Variants in CASTOR2 observed in about 807,000 individuals in gnomAD.
The protein encoded by CASTOR2 is cytosolic arginine sensor for mTORC1 subunit 2.
Under a neutral mutation model 31.2 loss-of-function variants are expected in CASTOR2, and 8 were observed. The ratio of observed to expected loss-of-function variants is 0.26; its 90% CI spans 0.15 to 0.46. The LOEUF (loss-of-function observed/expected upper bound fraction) is 0.46, where lower values mean the gene tolerates loss of function less well. CASTOR2 is among the 20% of genes least tolerant of loss of function. The pLI is 0.99. For missense variants in CASTOR2, 216 were observed against 382.1 expected, an observed-to-expected ratio of 0.57 and a Z score of 3.62; for synonymous variants, 162 against 158.7, an observed-to-expected ratio of 1.02 and a Z score of -0.16.
intron 1 of CASTOR2, among the ~76,000 whole-genome samples, chr7:74,974,205 G>A (rs1310335620): frequency 2.1e-5 from 3 of 142,480 alleles, no homozygotes; most frequent in Non-Finnish European, 3.1e-5. Context: ...CTGGGCTGGA[G>A]GAGCAAACGC....
intron 1 of CASTOR2, among the ~76,000 whole-genome samples, chr7:74,977,775 C>A (rs1803855608): frequency 2.0e-5 from 3 of 150,528 alleles, no homozygotes; most frequent in African/African-American, 7.3e-5. Context: ...TTCTCAGGCT[C>A]CAGCAATCCT....
intron 7 of CASTOR2, 64 bp downstream of exon 7, chr7:75,022,020 C>G: frequency 6.5e-7 from 1 of 1,537,046 alleles, no homozygotes; most frequent in Non-Finnish European, 8.8e-7. Context: ...CATTCACATA[C>G]GTTGTCCGCA....
In CASTOR2 at chr7:75,026,545, G is replaced by A. The variant is rs1054635521; in HGVS notation, c.*1846G>A. On this transcript the variant is annotated 3_prime_UTR_variant, in exon 9 of 9. Transcript: ENST00000616305. The stretch of plus-strand genomic sequence containing the variant: ...AGGGATATTTTCTAGTCCTGACAAA[G>A]TGTTCCCTGCTTCTCTGAGTGGGAC... Among the ~76,000 whole-genome samples, 4 of 152,172 alleles carry A rather than the reference G, an allele frequency of 2.6e-5. No individual in the cohort carries two copies. Among genetic ancestry groups the A allele is most frequent in the African/African-American group, 9.7e-5 (4 of 41,448 alleles).
intron 2 of CASTOR2, 62 bp from the exon 3 acceptor site, chr7:75,017,536 C>G (rs1804893761): frequency 6.3e-7 from 1 of 1,583,284 alleles, no homozygotes; most frequent in African/African-American, 1.3e-5. Context: ...CCTGCCTTGC[C>G]CTGCCCTTGG....
chr7:74,974,460 G>A (rs1803753117), intron 1 of CASTOR2, among the ~76,000 whole-genome samples: 1 of 150,882 alleles, frequency 6.6e-6, no homozygotes, highest in African/African-American at 2.5e-5. Flanking sequence ...TGGGAGTGCA[G>A]GGGCAGGGGG....
At chr7:75,021,784 C>T (rs1310253264) in intron 6 of CASTOR2, 90 bp from the exon 7 acceptor site, 2 of 1,491,900 alleles carry the variant, frequency 1.3e-6, no homozygotes, top group African/African-American at 2.8e-5. Flanking sequence ...TGGCCAGCCC[C>T]ATGCCTCGCT....
chr7:75,010,300 A>G lies in CASTOR2; in HGVS notation c.184+2236A>G, dbSNP rs1484276164. Reference sequence around the variant, plus strand: ...AAGTACAGGAGCAGAAGCAAGGGCCAGGTCCAGCCTCTAAAAAAGGGGAAG... The same window carrying G: ...AAGTACAGGAGCAGAAGCAAGGGCCGGGTCCAGCCTCTAAAAAAGGGGAAG... On this transcript the variant is annotated intron_variant, in intron 2 of 8. Transcript: ENST00000616305. Among the ~76,000 whole-genome samples the G allele has an allele frequency of 7.2e-5, 11 of 152,266 alleles. No homozygotes were observed. In the East Asian group the frequency reaches 9.6e-4, roughly 13 times the overall value.
intron 2 of CASTOR2, among the ~76,000 whole-genome samples, chr7:75,009,613 C>G (rs1409107430): frequency 1.3e-5 from 2 of 150,286 alleles, no homozygotes; most frequent in Non-Finnish European, 3.0e-5. Flanking sequence ...AATTAAGTGG[C>G]CCCCCCCGCC....
At chr7:75,009,884 ATTTT>A (rs1186959059) in intron 2 of CASTOR2, among the ~76,000 whole-genome samples, 1 of 128,690 alleles carries the variant, frequency 7.8e-6, no homozygotes. Context: ...CAGGCACTTA[ATTTT>A]TTTTTTTTTT....
chr7:75,024,859 G>A lies in CASTOR2; in HGVS notation c.*160G>A. 1.3e-6 allele frequency: 2 copies of A among 1,530,274 alleles called. No homozygotes were observed. Among genetic ancestry groups the A allele is most frequent in the South Asian group, 1.2e-5 (1 of 81,658 alleles). The allele number at this position is 1,530,274 out of a possible 1,614,324, so 94.8% of individuals were successfully genotyped here. ...TCGATTGCCAATCCCTCCAGGGCAG[G>A]GGCCCACGCCAAGGCCTCTCCATGC... On this transcript the variant is annotated 3_prime_UTR_variant, in exon 9 of 9. Transcript: ENST00000616305.
Position 75,025,376 on chromosome 7 carries a change from C to T in CASTOR2, c.*677C>T, listed in dbSNP as rs1805099408. Among the ~76,000 whole-genome samples the T allele has an allele frequency of 6.6e-6, 1 of 152,164 alleles. No individual in the cohort carries two copies. The highest frequency in any genetic ancestry group is 2.4e-5 in the African/African-American group (1 of 41,446). ...ACTGCCAAGAGGGCCCTGTCCAGACCCTCCCCCACAAGCACTCAGTCCTTG... is the reference window on the plus strand; with the variant it reads ...ACTGCCAAGAGGGCCCTGTCCAGACTCTCCCCCACAAGCACTCAGTCCTTG... On this transcript the variant is annotated 3_prime_UTR_variant, in exon 9 of 9. Coordinates refer to ENST00000616305, the MANE Select transcript of CASTOR2 (RefSeq NM_001145064.3).
chr7:75,013,568 G>C (rs1402203645), intron 2 of CASTOR2, among the ~76,000 whole-genome samples: 1 of 152,088 alleles, frequency 6.6e-6, no homozygotes, highest in Admixed American at 6.6e-5. Flanking sequence ...ACTTGAGCCT[G>C]GGAGGTTGAG....
chr7:75,012,192 CAG>C (rs1352045972), intron 2 of CASTOR2, among the ~76,000 whole-genome samples: 18 of 152,126 alleles, frequency 1.2e-4, no homozygotes, highest in East Asian at 3.9e-4. Flanking sequence ...AGAAGACTCT[CAG>C]GGGGCTGTGG....
chr7:74,998,868 G>A (rs1434935981), intron 1 of CASTOR2, among the ~76,000 whole-genome samples: 1 of 152,070 alleles, frequency 6.6e-6, no homozygotes, highest in Admixed American at 6.6e-5. Context: ...GATTTCTTCT[G>A]CCCTATCCGT....
chr7:75,024,474 C>T lies in CASTOR2; in HGVS notation c.864C>T (p.Pro288=). The change falls in exon 8 of 9, where the codon CCC becomes CCT. Residue 288 remains proline, a synonymous_variant. Coordinates refer to ENST00000616305, the MANE Select transcript of CASTOR2 (RefSeq NM_001145064.3). ...GCATCGTGGCCCAGATCTCAGAGCC[C>T]TTGGCTGCTGCAGACATCCCAGCCT... ...ECGIVAQISE[P]LAAADIPAYY... The T allele has an allele frequency of 6.4e-7, 1 of 1,551,536 alleles. No homozygotes were observed. The highest frequency in any genetic ancestry group is 8.7e-7 in the Non-Finnish European group (1 of 1,146,852).
chr7:75,021,141 A>G (rs1804992282), intron 6 of CASTOR2, among the ~76,000 whole-genome samples: 1 of 152,150 alleles, frequency 6.6e-6, no homozygotes, highest in East Asian at 1.9e-4. Context: ...ACAGGCGCAC[A>G]CCACCATACC....
rs1280680782 is a variant in CASTOR2 at position 74,994,691 on chromosome 7, G to A, written c.114-13303G>A. On this transcript the variant is annotated intron_variant, in intron 1 of 8. Transcript: ENST00000616305. ...CTTGAACCTGGTAGGCAGAGGTTGCGGTGAGCCGAGATTGTGTCGCTGCAC... is the reference window on the plus strand; with the variant it reads ...CTTGAACCTGGTAGGCAGAGGTTGCAGTGAGCCGAGATTGTGTCGCTGCAC... Among the ~76,000 whole-genome samples the A allele has an allele frequency of 5.3e-5, 8 of 151,798 alleles. No individual in the cohort carries two copies. The East Asian group carries it at 5.8e-4, about 11-fold the overall frequency.
chr7:74,975,730 CT>C lies in CASTOR2; in HGVS notation c.113+10633del, dbSNP rs1160493377. 1.5e-3 allele frequency among the ~76,000 whole-genome samples: 211 copies of C among 142,858 alleles called. 2 individuals carry two copies. Among genetic ancestry groups the C allele is most frequent in the African/African-American group, 4.9e-3 (191 of 39,032 alleles). The allele number at this position is 142,858 out of a possible 152,430, so 93.7% of individuals were successfully genotyped here. A position where few individuals can be genotyped will look rare whatever the true frequency, so the allele number is the denominator to read the frequency against. On this transcript the variant is annotated intron_variant, in intron 1 of 8. Transcript: ENST00000616305. The stretch of plus-strand genomic sequence containing the variant: ...AAAAAGCTGGGATACCTCCACCCCC[CT>C]CTCCTTTAAATGTCTGTCTTGGCTA...
At chr7:75,000,579 T>C (rs1220104618) in intron 1 of CASTOR2, among the ~76,000 whole-genome samples, 1 of 152,070 alleles carries the variant, frequency 6.6e-6, no homozygotes, top group East Asian at 1.9e-4. Context: ...GCAGAGCCTC[T>C]CTGGTTTGGG....
Sources: gnomAD v4.1 joint callset for allele counts (sites outside exome capture counted in the v4.1 genomes callset) on GRCh38, gnomAD v4.1.1 for gene constraint, MANE v1.5 for transcripts, NCBI Gene and HGNC (gene_info 2026-07-23, HGNC 2026-07-21) for gene names.